GUCA1C: variants seen among roughly 807,000 people sequenced by gnomAD.
The protein encoded by GUCA1C is guanylate cyclase activator 1C.
GUCA1C carries 15 observed loss-of-function variants against 16.2 expected under a neutral mutation model. The observed-to-expected ratio is 0.93, with a 90% CI of 0.62 to 1.43. The LOEUF (loss-of-function observed/expected upper bound fraction) is 1.43. Among genes scored for constraint, GUCA1C ranks in the 40% most tolerant of loss-of-function variants. GUCA1C has a pLI of 0.00. For synonymous variants in GUCA1C, 78 were observed against 85.4 expected, an observed-to-expected ratio of 0.91 and a Z score of 0.48; for missense variants, 275 against 244.8, an observed-to-expected ratio of 1.12 and a Z score of -0.82.
At chr3:108,922,780 A>G (rs2922139) in intron 1 of GUCA1C, among the ~76,000 whole-genome samples, 112,585 of 151,890 alleles carry the variant, frequency 0.74, 42,373 homozygotes, top group Non-Finnish European at 0.78. Context: ...CCATCAACCC[A>G]TCATCTACAT....
chr3:108,934,692 CAG>C (rs1237421565), intron 1 of GUCA1C, among the ~76,000 whole-genome samples: 1 of 144,220 alleles, frequency 6.9e-6, no homozygotes, highest in Non-Finnish European at 1.6e-5. Flanking sequence ...AGCCGAAAAA[CAG>C]AACAAAATCA....
intron 1 of GUCA1C, among the ~76,000 whole-genome samples, chr3:108,920,909 A>G (rs547046651): frequency 5.3e-5 from 8 of 152,278 alleles, no homozygotes; most frequent in African/African-American, 1.4e-4. Context: ...AGAATGGTAC[A>G]TTTGTTACAG....
At chr3:108,927,349 T>G (rs1946631864) in intron 1 of GUCA1C, among the ~76,000 whole-genome samples, 1 of 152,174 alleles carries the variant, frequency 6.6e-6, no homozygotes, top group Non-Finnish European at 1.5e-5. Flanking sequence ...TTTCTCTTCT[T>G]CCTCAGGAAC....
intron 1 of GUCA1C, among the ~76,000 whole-genome samples, chr3:108,937,420 T>C (rs1946737208): frequency 6.6e-6 from 1 of 152,222 alleles, no homozygotes; most frequent in African/African-American, 2.4e-5. Flanking sequence ...TCTTAGTATA[T>C]TTCAGAGACA....
At position 108,939,324 on chromosome 3, in the gene GUCA1C, C is replaced by CTTTTTTTTT. The variant is rs549981150; in HGVS notation, c.204+14226_204+14234dup. Among the ~76,000 whole-genome samples the CTTTTTTTTT allele has an allele frequency of 2.3e-3, 77 of 32,902 alleles. 22 individuals carry two copies. Among genetic ancestry groups the CTTTTTTTTT allele is most frequent in the African/African-American group, 5.8e-3 (52 of 8,938 alleles). The allele number at this position is 32,902 out of a possible 152,430, so 21.6% of individuals were successfully genotyped here. On this transcript the variant is annotated intron_variant, in intron 1 of 3. Transcript: ENST00000261047. ...TGTTAATATATTACTTGCTTCAAGG[C>CTTTTTTTTT]TTTTTTTTTTTTTTTTTTTTTTTTT... is the stretch of plus-strand genomic sequence containing the variant.
intron 1 of GUCA1C, 115 bp downstream of exon 1, chr3:108,953,444 C>T: frequency 1.5e-6 from 1 of 678,234 alleles, no homozygotes; most frequent in South Asian, 1.8e-5. Context: ...GAAGACCTCT[C>T]CATTCAGTGG....
intron 1 of GUCA1C, among the ~76,000 whole-genome samples, chr3:108,929,127 T>A (rs896007874): frequency 3.9e-5 from 6 of 152,166 alleles, no homozygotes; most frequent in Non-Finnish European, 7.4e-5. Flanking sequence ...AGTTTTGTAG[T>A]TTTCCTCATA....
chr3:108,940,123 TATG>T (rs2107309669), intron 1 of GUCA1C, among the ~76,000 whole-genome samples: 1 of 152,348 alleles, frequency 6.6e-6, no homozygotes, highest in South Asian at 2.1e-4. Flanking sequence ...GCCAAACAAA[TATG>T]ATGTACTTTA....
intron 3 of GUCA1C, among the ~76,000 whole-genome samples, chr3:108,912,463 A>C (rs938244452): frequency 1.3e-5 from 2 of 151,346 alleles, no homozygotes; most frequent in African/African-American, 2.5e-5. Flanking sequence ...CTGTCTCTTC[A>C]AGCTCTCTTT....
At chr3:108,937,393 C>T (rs1034195430) in intron 1 of GUCA1C, among the ~76,000 whole-genome samples, 18 of 152,302 alleles carry the variant, frequency 1.2e-4, no homozygotes, top group African/African-American at 4.3e-4. Flanking sequence ...ACTCCAGAAA[C>T]AGATACTAAA....
intron 1 of GUCA1C, among the ~76,000 whole-genome samples, chr3:108,949,192 CT>C (rs1559849514): frequency 1.3e-5 from 2 of 152,108 alleles, no homozygotes; most frequent in African/African-American, 2.4e-5. Flanking sequence ...TCTCTGGCCC[CT>C]TTTTCTGTGA....
intron 1 of GUCA1C, among the ~76,000 whole-genome samples, chr3:108,921,705 T>G (rs1467529546): frequency 6.6e-6 from 1 of 152,228 alleles, no homozygotes; most frequent in Non-Finnish European, 1.5e-5. Flanking sequence ...AACATCTTTT[T>G]GTGTGCTTGT....
intron 3 of GUCA1C, among the ~76,000 whole-genome samples, chr3:108,910,333 T>A (rs1484748159): frequency 4.0e-5 from 6 of 151,738 alleles, no homozygotes; most frequent in Non-Finnish European, 1.5e-5. Context: ...CCCATCTCTA[T>A]TAAAAATACA....
chr3:108,952,505 A>G (rs1029919518), intron 1 of GUCA1C, among the ~76,000 whole-genome samples: 1 of 152,196 alleles, frequency 6.6e-6, no homozygotes, highest in African/African-American at 2.4e-5. Flanking sequence ...ACATTGCTAC[A>G]AGGATTAAAA....
At chr3:108,911,542 C>T (rs1475066659) in intron 3 of GUCA1C, among the ~76,000 whole-genome samples, 1 of 152,206 alleles carries the variant, frequency 6.6e-6, no homozygotes. Flanking sequence ...TTGAATGTCA[C>T]AGAATTGTGT....
chr3:108,926,578 T>G (rs1254188659), intron 1 of GUCA1C, among the ~76,000 whole-genome samples: 1 of 152,196 alleles, frequency 6.6e-6, no homozygotes, highest in Non-Finnish European at 1.5e-5. Context: ...CCTCCCGGGT[T>G]CACACCATTC....
At chr3:108,933,786 C>T (rs976094785) in intron 1 of GUCA1C, among the ~76,000 whole-genome samples, 6 of 151,824 alleles carry the variant, frequency 4.0e-5, no homozygotes, top group African/African-American at 1.5e-4. Context: ...TTCTCAAAGA[C>T]CTTAAAACAG....
chr3:108,940,755 T>G (rs1946777450), intron 1 of GUCA1C, among the ~76,000 whole-genome samples: 1 of 152,266 alleles, frequency 6.6e-6, no homozygotes, highest in Non-Finnish European at 1.5e-5. Context: ...CAGAGTTATC[T>G]GCATTTTACA....
At chr3:108,933,344 C>T (rs1365162587) in intron 1 of GUCA1C, among the ~76,000 whole-genome samples, 1 of 151,280 alleles carries the variant, frequency 6.6e-6, no homozygotes. Flanking sequence ...ATAATTTTAA[C>T]CCCAACATGT....
Sources: gnomAD v4.1 joint callset for allele counts (sites outside exome capture counted in the v4.1 genomes callset) on GRCh38, gnomAD v4.1.1 for gene constraint, MANE v1.5 for transcripts, NCBI Gene and HGNC (gene_info 2026-07-23, HGNC 2026-07-21) for gene names.